Variants in ENTPD7 observed in about 807,000 individuals in gnomAD.
ENTPD7 encodes NTPDase 7.
In ENTPD7, 53 loss-of-function variants were observed where a neutral mutation model predicts 77.9. The ratio of observed to expected loss-of-function variants is 0.68; its 90% CI spans 0.55 to 0.85. The LOEUF (loss-of-function observed/expected upper bound fraction) is 0.85. Among genes scored for constraint, ENTPD7 ranks in the 40% least tolerant of loss-of-function variants. ENTPD7 has a pLI of 0.00. For missense variants in ENTPD7, 636 were observed against 743.7 expected, an observed-to-expected ratio of 0.86 and a Z score of 1.68; for synonymous variants, 248 against 274.9, an observed-to-expected ratio of 0.90 and a Z score of 0.97.
At position 99,700,960 on chromosome 10, in the gene ENTPD7, G is replaced by C; in HGVS notation, c.1336-13G>C. On this transcript the variant is annotated splice_polypyrimidine_tract_variant and intron_variant, in intron 10 of 12. Transcript: ENST00000370489. ...CAAATTCATGTTGCACTATTTCTCTGTGGTTGATCCAGGATTACTGTGGCA... is the reference window on the plus strand; with the variant it reads ...CAAATTCATGTTGCACTATTTCTCTCTGGTTGATCCAGGATTACTGTGGCA... 2 of 1,611,980 alleles carry C rather than the reference G, an allele frequency of 1.2e-6. No homozygotes were observed. Among genetic ancestry groups the C allele is most frequent in the Non-Finnish European group, 1.7e-6 (2 of 1,178,194 alleles).
chr10:99,668,841 T>C lies in ENTPD7; in HGVS notation c.191+7213T>C, dbSNP rs149521719. On this transcript the variant is annotated intron_variant, in intron 3 of 12. Coordinates refer to ENST00000370489, the MANE Select transcript of ENTPD7 (RefSeq NM_020354.5). ...GTGATTTTTTTATATTATATTCATATATAGACATATTTTTTCTACTTAAAT... is the reference window on the plus strand; with the variant it reads ...GTGATTTTTTTATATTATATTCATACATAGACATATTTTTTCTACTTAAAT... Among the ~76,000 whole-genome samples, 1,049 of 152,170 alleles carry C rather than the reference T, an allele frequency of 6.9e-3. 11 individuals carry two copies. Among genetic ancestry groups the C allele is most frequent in the African/African-American group, 0.022 (931 of 41,522 alleles).
intron 3 of ENTPD7, among the ~76,000 whole-genome samples, chr10:99,669,967 T>C (rs1045397084): frequency 2.6e-5 from 4 of 151,930 alleles, no homozygotes; most frequent in African/African-American, 9.7e-5. Flanking sequence ...GCCAGGATGG[T>C]CTTGATCTCC....
chr10:99,686,790 A>G (rs1590047059), intron 6 of ENTPD7, among the ~76,000 whole-genome samples: 1 of 149,410 alleles, frequency 6.7e-6, no homozygotes, highest in African/African-American at 2.5e-5. Context: ...TTTATATTCC[A>G]TCCTGGACAT....
At chr10:99,668,049 C>T (rs896641308) in intron 3 of ENTPD7, among the ~76,000 whole-genome samples, 2 of 149,516 alleles carry the variant, frequency 1.3e-5, no homozygotes, top group African/African-American at 4.9e-5. Flanking sequence ...ATTCTCATGC[C>T]TTAGCCTCCC....
In ENTPD7 at chr10:99,660,585, T is replaced by C. The variant is rs566313315; in HGVS notation, c.8+621T>C. On this transcript the variant is annotated intron_variant, in intron 2 of 12. Coordinates refer to ENST00000370489, the MANE Select transcript of ENTPD7 (RefSeq NM_020354.5). ...ACAGAGATATATTACTGTAAATATA[T>C]TGGTGTATATTTATGCTTGTGTATC... 2.3e-4 allele frequency: 62 copies of C among 269,810 alleles called. 2 individuals carry two copies. The highest frequency in any genetic ancestry group is 1.9e-3 in the South Asian group (61 of 32,692). The allele number at this position is 269,810 out of a possible 1,614,324, so 16.7% of individuals were successfully genotyped here. A position where few individuals can be genotyped will look rare whatever the true frequency, so the allele number is the denominator to read the frequency against.
chr10:99,695,832 A>G (rs995609976), intron 8 of ENTPD7, 124 bp from the exon 9 acceptor site: 23 of 868,596 alleles, frequency 2.6e-5, no homozygotes, highest in Middle Eastern at 3.2e-4. Flanking sequence ...ATGAGGATGA[A>G]AGAATGCTTA....
At chr10:99,660,145 G>A (rs935414370) in intron 2 of ENTPD7, among the ~76,000 whole-genome samples, 181 bp downstream of exon 2, 3 of 152,230 alleles carry the variant, frequency 2.0e-5, no homozygotes, top group Admixed American at 2.0e-4. Flanking sequence ...ATAAATAATA[G>A]TTTCTAGCCC....
intron 8 of ENTPD7, 140 bp downstream of exon 8, chr10:99,691,658 G>T: frequency 1.2e-6 from 1 of 854,174 alleles, no homozygotes; most frequent in South Asian, 1.9e-5. Flanking sequence ...TCTTGAGTAG[G>T]TTACCTCTCT....
intron 3 of ENTPD7, among the ~76,000 whole-genome samples, chr10:99,676,032 C>G (rs925526207): frequency 2.0e-5 from 3 of 152,112 alleles, no homozygotes; most frequent in Non-Finnish European, 4.4e-5. Flanking sequence ...GATTTTCACA[C>G]AAATGCTTCA....
intron 3 of ENTPD7, among the ~76,000 whole-genome samples, chr10:99,673,804 T>C (rs565239258): frequency 1.3e-5 from 2 of 152,084 alleles, no homozygotes; most frequent in African/African-American, 4.8e-5. Flanking sequence ...CACGGAGGAG[T>C]TAACAGACCA....
rs1483029702 is a variant in ENTPD7, at chr10:99,660,260, G to A, written c.8+296G>A. The stretch of plus-strand genomic sequence containing the variant: ...CTGAGCAAGGCTAGGTGCCACTTGA[G>A]GAGGTTAAACAAAGAAGTTTTTTTG... On this transcript the variant is annotated intron_variant, in intron 2 of 12. Coordinates refer to ENST00000370489, the MANE Select transcript of ENTPD7 (RefSeq NM_020354.5). 4 of 957,702 alleles carry A rather than the reference G, an allele frequency of 4.2e-6. No individual in the cohort carries two copies. The African/African-American group carries it at 7.1e-5, about 17-fold the overall frequency. 59.3% of individuals were successfully genotyped at this position (957,702 alleles called of 1,614,324 possible).
chr10:99,698,377 T>G (rs1041846049), intron 9 of ENTPD7, among the ~76,000 whole-genome samples, 157 bp from the exon 10 acceptor site: 4 of 152,242 alleles, frequency 2.6e-5, no homozygotes, highest in Non-Finnish European at 5.9e-5. Flanking sequence ...TTGCTGAAGT[T>G]AAATGTTTAT....
Position 99,710,496 on chromosome 10 carries a change from G to A in ENTPD7, c.*5813G>A. 5.1e-6 allele frequency: 5 copies of A among 985,304 alleles called. No homozygotes were observed. The highest frequency in any genetic ancestry group is 6.0e-6 in the Non-Finnish European group (5 of 829,916). The allele number at this position is 985,304 out of a possible 1,614,324, so 61.0% of individuals were successfully genotyped here. ...TGCCTGTATTACATTGCTTTGGGGA[G>A]TTGTTAAGACTCTGTTTTTTCTACT... On this transcript the variant is annotated 3_prime_UTR_variant, in exon 13 of 13. Transcript: ENST00000370489.
At chr10:99,672,167 A>C (rs531018706) in intron 3 of ENTPD7, among the ~76,000 whole-genome samples, 1 of 152,058 alleles carries the variant, frequency 6.6e-6, no homozygotes, top group Non-Finnish European at 1.5e-5. Flanking sequence ...TTTTATTTTT[A>C]GAGACAGGGG....
intron 10 of ENTPD7, among the ~76,000 whole-genome samples, chr10:99,700,414 ATG>A (rs66525481): frequency 0.12 from 1,154 of 9,732 alleles, 7 homozygotes; most frequent in Admixed American, 0.18. Flanking sequence ...GTGTGTGTGT[ATG>A]TGTGTGTGTG....
intron 10 of ENTPD7, among the ~76,000 whole-genome samples, chr10:99,700,574 G>A (rs140850146): frequency 6.6e-6 from 1 of 152,146 alleles, no homozygotes. Flanking sequence ...CAAACCAAAA[G>A]GAATGATTAT....
In ENTPD7 at chr10:99,706,617, G is replaced by T. The variant is rs1417151351; in HGVS notation, c.*1934G>T. Among the ~76,000 whole-genome samples, 1 of 152,060 alleles carries T rather than the reference G, an allele frequency of 6.6e-6. No homozygotes were observed. The highest frequency in any genetic ancestry group is 2.4e-5 in the African/African-American group (1 of 41,396). ...CCCAAAGTGCTGGGATTACAAGCAT[G>T]AGCTACTGCACCTGCCCTCTGTTTC... On this transcript the variant is annotated 3_prime_UTR_variant, in exon 13 of 13. Coordinates refer to ENST00000370489, the MANE Select transcript of ENTPD7 (RefSeq NM_020354.5).
At chr10:99,660,043 C>T (rs2035458124) in intron 2 of ENTPD7, 79 bp downstream of exon 2, 2 of 1,605,638 alleles carry the variant, frequency 1.2e-6, no homozygotes, top group Non-Finnish European at 1.7e-6. Flanking sequence ...GGAGGCTGTC[C>T]CAAGTGAGGT....
In ENTPD7 at chr10:99,711,040, T is replaced by C. The variant is rs1229975315; in HGVS notation, c.*6357T>C. The C allele has an allele frequency of 2.0e-6, 2 of 985,244 alleles. No individual in the cohort carries two copies. Among genetic ancestry groups the C allele is most frequent in the Non-Finnish European group, 2.4e-6 (2 of 829,878 alleles). 61.0% of individuals were successfully genotyped at this position (985,244 alleles called of 1,614,324 possible). On this transcript the variant is annotated 3_prime_UTR_variant, in exon 13 of 13. Coordinates refer to ENST00000370489, the MANE Select transcript of ENTPD7 (RefSeq NM_020354.5). ...CAATCTGTAATTATCCATTTTCCATTCATGCATTCACTAATTCAATATTTG... is the reference window on the plus strand; with the variant it reads ...CAATCTGTAATTATCCATTTTCCATCCATGCATTCACTAATTCAATATTTG...
Sources: allele counts gnomAD v4.1 joint callset (sites outside exome capture counted in the v4.1 genomes callset), GRCh38; gene constraint gnomAD v4.1.1; transcripts MANE v1.5; gene names NCBI Gene and HGNC (gene_info 2026-07-23, HGNC 2026-07-21).